Variants in CELSR1 observed in about 807,000 individuals in gnomAD.
CELSR1 encodes the protein adhesion G protein-coupled receptor C1.
A neutral mutation model predicts 249.1 loss-of-function variants in CELSR1; 110 were observed. That is an observed-to-expected ratio of 0.44 (90% confidence interval 0.38 to 0.52). The LOEUF is 0.52. CELSR1 is among the 20% of genes least tolerant of loss of function. CELSR1 has a pLI of 0.00. For missense variants in CELSR1, 4,109 were observed against 4,296.4 expected, an observed-to-expected ratio of 0.96 and a Z score of 1.22; for synonymous variants, 2,113 against 1,900.0, an observed-to-expected ratio of 1.11 and a Z score of -2.92.
intron 1 of CELSR1, among the ~76,000 whole-genome samples, chr22:46,474,788 C>CTTTTTTT (rs55932520): frequency 0.16 from 13,969 of 89,290 alleles, 2,547 homozygotes; most frequent in African/African-American, 0.21. Context: ...CTCTCTACTT[C>CTTTTTTT]TTTTTTTTTT....
chr22:46,421,777 C>T (rs1204306568), intron 5 of CELSR1, among the ~76,000 whole-genome samples: 1 of 152,260 alleles, frequency 6.6e-6, no homozygotes, highest in African/African-American at 2.4e-5. Context: ...CTGATGGGAG[C>T]ACGTGCAGAC....
At chr22:46,508,091 C>A (rs1282864269) in intron 1 of CELSR1, among the ~76,000 whole-genome samples, 1 of 152,180 alleles carries the variant, frequency 6.6e-6, no homozygotes, top group Non-Finnish European at 1.5e-5. Context: ...CTTCCATAAA[C>A]CGGCACAGCC....
intron 2 of CELSR1, among the ~76,000 whole-genome samples, chr22:46,450,539 A>G (rs942902769): frequency 1.3e-5 from 2 of 152,252 alleles, no homozygotes; most frequent in Non-Finnish European, 2.9e-5. Flanking sequence ...ACGAAGGTTC[A>G]GAGAGGGCAG....
intron 1 of CELSR1, among the ~76,000 whole-genome samples, chr22:46,492,912 G>C (rs1010656479): frequency 6.6e-6 from 1 of 152,062 alleles, no homozygotes; most frequent in Non-Finnish European, 1.5e-5. Context: ...GACAAAAAGA[G>C]CATGGAAAAC....
rs1220618636 is a variant in CELSR1 at position 46,536,829 on chromosome 22, G to A, written c.342C>T (p.Cys114=). 8.3e-7 allele frequency: 1 copy of A among 1,212,084 alleles called. No homozygotes were observed. Among genetic ancestry groups the A allele is most frequent in the Non-Finnish European group, 1.0e-6 (1 of 975,074 alleles). 75.1% of individuals were successfully genotyped at this position (1,212,084 alleles called of 1,614,324 possible). A position where few individuals can be genotyped will look rare whatever the true frequency, so the allele number is the denominator to read the frequency against. The part of the protein sequence containing the change: ...RLRARTHLPG[C]GARARLCGTG... ...TTCCGCAGAGCCGGGCACGGGCTCC[G>A]CAGCCGGGAAGGTGCGTGCGCGCCC... Residue 114 remains cysteine, a synonymous_variant, in exon 1 of 35, where the codon TGC becomes TGT. Transcript: ENST00000674500.
chr22:46,496,874 G>C (rs1359614126), intron 1 of CELSR1, among the ~76,000 whole-genome samples: 1 of 152,052 alleles, frequency 6.6e-6, no homozygotes, highest in Non-Finnish European at 1.5e-5. Flanking sequence ...AATGTAAGTA[G>C]AAGGAGTACA....
At chr22:46,497,608 G>A (rs1044459938) in intron 1 of CELSR1, among the ~76,000 whole-genome samples, 5 of 152,094 alleles carry the variant, frequency 3.3e-5, no homozygotes, top group Admixed American at 6.6e-5. Context: ...TGGAGTTAGG[G>A]CCCCTAATCC....
intron 1 of CELSR1, among the ~76,000 whole-genome samples, chr22:46,520,754 A>G (rs548836490): frequency 6.6e-6 from 1 of 151,954 alleles, no homozygotes; most frequent in Admixed American, 6.6e-5. Flanking sequence ...GGCCCACTGT[A>G]ACCATTTTTA....
At position 46,437,618 on chromosome 22, in the gene CELSR1, G is replaced by T. The variant is rs558202966; in HGVS notation, c.4407-1329C>A. Among the ~76,000 whole-genome samples the T allele has an allele frequency of 1.3e-5, 2 of 152,086 alleles. No individual in the cohort carries two copies. The highest frequency in any genetic ancestry group is 2.9e-5 in the Non-Finnish European group (2 of 68,018). On this transcript the variant is annotated intron_variant, in intron 3 of 34. Coordinates refer to ENST00000674500, the MANE Select transcript of CELSR1 (RefSeq NM_001378328.1). The surrounding 1 kb of genome is among the most constrained non-coding windows in gnomAD (Gnocchi z 4.9). ...ATACGAAAATTAGCCGGGCATGGTGGTGGGCACCTGTAATCCCAGCTACTC... is the reference window on the plus strand; with the variant it reads ...ATACGAAAATTAGCCGGGCATGGTGTTGGGCACCTGTAATCCCAGCTACTC...
chr22:46,534,743 T>C lies in CELSR1; in HGVS notation c.2428A>G (p.Thr810Ala). The change falls in exon 1 of 35, where the codon ACC becomes GCC. Residue 810 changes from threonine to alanine, a missense_variant. Around this residue, in one of 7 missense-constraint regions of CELSR1, gnomAD observed 886 missense variants for 896.5 expected, o/e 0.99. Coordinates refer to ENST00000674500, the MANE Select transcript of CELSR1 (RefSeq NM_001378328.1). This position sits in a 1 kb window ranked among gnomAD's most constrained non-coding sequence, Gnocchi z 9.7. ...GTGTCCTCATCGTTGGCACTGAGGG[T>C]AGCAATGGAGGTGCCCACAGGCCTG... ...EDRPVGTSIA[T>A]LSANDEDTGE... 1 of 1,613,044 alleles carries C rather than the reference T, an allele frequency of 6.2e-7. No individual in the cohort carries two copies. Among genetic ancestry groups the C allele is most frequent in the Non-Finnish European group, 8.5e-7 (1 of 1,180,004 alleles).
chr22:46,528,418 A>G (rs2080759502), intron 1 of CELSR1, among the ~76,000 whole-genome samples: 1 of 152,102 alleles, frequency 6.6e-6, no homozygotes, highest in Non-Finnish European at 1.5e-5. Flanking sequence ...TCTCACCCAC[A>G]AACGCCACTT....
In CELSR1 at chr22:46,409,731, G is replaced by T; in HGVS notation, c.5059+24C>A. ...GCCTCCCAGGCCGCCGTGACCGGGGGGATGGACGACGCCGGCCACTCACCT... is the reference window on the plus strand; with the variant it reads ...GCCTCCCAGGCCGCCGTGACCGGGGTGATGGACGACGCCGGCCACTCACCT... On this transcript the variant is annotated intron_variant, in intron 8 of 34. Transcript: ENST00000674500. The surrounding 1 kb of genome is among the most constrained non-coding windows in gnomAD (Gnocchi z 9.8). The T allele has an allele frequency of 6.2e-7, 1 of 1,610,950 alleles. No individual in the cohort carries two copies. Among genetic ancestry groups the T allele is most frequent in the Admixed American group, 1.7e-5 (1 of 60,030 alleles).
rs1227612418 is a variant in CELSR1, at chr22:46,440,080, T to G, written c.4184-669A>C. On this transcript the variant is annotated intron_variant, in intron 2 of 34. Coordinates refer to ENST00000674500, the MANE Select transcript of CELSR1 (RefSeq NM_001378328.1). The surrounding 1 kb of genome is among the most constrained non-coding windows in gnomAD (Gnocchi z 4.7). The stretch of plus-strand genomic sequence containing the variant: ...GTCCTTCCTAGAGTTTAAACTCTTT[T>G]GTGACAGGAAGGTTCTGGAAGCTTT... 6.6e-6 allele frequency among the ~76,000 whole-genome samples: 1 copy of G among 152,186 alleles called. No individual in the cohort carries two copies. The highest frequency in any genetic ancestry group is 2.4e-5 in the African/African-American group (1 of 41,460).
intron 18 of CELSR1, 137 bp downstream of exon 18, chr22:46,389,153 T>C (rs747521473): frequency 5.1e-6 from 5 of 977,824 alleles, no homozygotes; most frequent in Non-Finnish European, 7.8e-6. Flanking sequence ...GGGCTCACAT[T>C]TGAGAAATGA....
chr22:46,405,459 CAAA>C (rs869105580), intron 9 of CELSR1, among the ~76,000 whole-genome samples: 1,009 of 84,818 alleles, frequency 0.012, 17 homozygotes, highest in African/African-American at 0.031. Flanking sequence ...GACTCCGTCT[CAAA>C]AAAAAAAAAA....
Position 46,454,218 on chromosome 22 carries a change from C to G in CELSR1, c.4183+9489G>C, listed in dbSNP as rs2079919326. Among the ~76,000 whole-genome samples, 1 of 152,154 alleles carries G rather than the reference C, an allele frequency of 6.6e-6. No homozygotes were observed. The highest frequency in any genetic ancestry group is 2.4e-5 in the African/African-American group (1 of 41,424). On this transcript the variant is annotated intron_variant, in intron 2 of 34. Transcript: ENST00000674500. This position sits in a 1 kb window ranked among gnomAD's most constrained non-coding sequence, Gnocchi z 5.1. Reference sequence around the variant, plus strand: ...AGGAAGGCAGAGCAGGAGGCCCTCCCCAGGGCCTCCCGGAGCAGCCCCGCC... The same window carrying G: ...AGGAAGGCAGAGCAGGAGGCCCTCCGCAGGGCCTCCCGGAGCAGCCCCGCC...
rs2078893900 is a variant in CELSR1 at position 46,374,316 on chromosome 22, A to C, written c.7585-1259T>G. On this transcript the variant is annotated intron_variant, in intron 24 of 34. Coordinates refer to ENST00000674500, the MANE Select transcript of CELSR1 (RefSeq NM_001378328.1). The surrounding 1 kb of genome is among the most constrained non-coding windows in gnomAD (Gnocchi z 4.3). Reference sequence around the variant, plus strand: ...AAACCCACGAAACCACCTTTTGAAAACAAAGTGCGAGGGCTGTGCCATCCT... The same window carrying C: ...AAACCCACGAAACCACCTTTTGAAACCAAAGTGCGAGGGCTGTGCCATCCT... 6.6e-6 allele frequency among the ~76,000 whole-genome samples: 1 copy of C among 152,192 alleles called. No homozygotes were observed. The highest frequency in any genetic ancestry group is 2.1e-4 in the South Asian group (1 of 4,820).
At position 46,364,609 on chromosome 22, in the gene CELSR1, G is replaced by A. The variant is rs768271831; in HGVS notation, c.8682C>T (p.Arg2894=). 2.0e-5 allele frequency: 32 copies of A among 1,612,562 alleles called. No individual in the cohort carries two copies. Among genetic ancestry groups the A allele is most frequent in the Middle Eastern group, 3.3e-4 (2 of 6,080 alleles). Residue 2894 remains arginine, a synonymous_variant, in exon 33 of 35, where the codon CGC becomes CGT. Transcript: ENST00000674500. ...CTCCACGGTGACTGCCCTGCTCCTCGCGGTGCAGCTCCACGCTGACCTTGG... is the reference window on the plus strand; with the variant it reads ...CTCCACGGTGACTGCCCTGCTCCTCACGGTGCAGCTCCACGCTGACCTTGG... ...VETKVSVELH[R]EEQGSHRGEY... is the part of the protein sequence containing the mutation.
At chr22:46,439,867 T>C (rs373643209) in intron 2 of CELSR1, among the ~76,000 whole-genome samples, 6 of 152,254 alleles carry the variant, frequency 3.9e-5, no homozygotes, top group African/African-American at 1.4e-4. Flanking sequence ...TGGAGCATGC[T>C]GCCATCACAT....
Sources: allele counts gnomAD v4.1 joint callset (sites outside exome capture counted in the v4.1 genomes callset), GRCh38; gene constraint gnomAD v4.1.1; regional missense constraint gnomAD v4.1.1; non-coding constraint Gnocchi (gnomAD v3.1); transcripts MANE v1.5; gene names NCBI Gene and HGNC (gene_info 2026-07-23, HGNC 2026-07-21).